SRD5A2: variants seen among roughly 807,000 people sequenced by gnomAD.
The protein encoded by SRD5A2 is steroid 5 alpha-reductase 2, also known as 3-oxo-5-alpha-steroid 4-dehydrogenase 2.
Under a neutral mutation model 27.4 loss-of-function variants are expected in SRD5A2, and 30 were observed. That is an observed-to-expected ratio of 1.10 (90% CI 0.82 to 1.49). The LOEUF (loss-of-function observed/expected upper bound fraction) is 1.49, where lower values mean the gene tolerates loss of function less well. Among genes scored for constraint, SRD5A2 ranks in the 40% most tolerant of loss-of-function variants. The pLI is 0.00. For missense variants in SRD5A2, 348 were observed against 323.4 expected (o/e 1.08, Z -0.58); for synonymous variants, 141 against 133.6 (o/e 1.06, Z -0.38).
At chr2:31,573,508 A>G (rs1216475189) in intron 1 of SRD5A2, among the ~76,000 whole-genome samples, 1 of 152,226 alleles carries the variant, frequency 6.6e-6, no homozygotes, top group Non-Finnish European at 1.5e-5. Flanking sequence ...AAGTACCCCA[A>G]GTTGCAGAAA....
chr2:31,622,580 C>T, the SRD5A2 span, among the ~76,000 whole-genome samples: 4 of 152,034 alleles, frequency 2.6e-5, no homozygotes, highest in Non-Finnish European at 5.9e-5. Flanking sequence ...AAGAATTGGG[C>T]CCTTCCTATT....
At chr2:31,619,650 G>A in the SRD5A2 span, among the ~76,000 whole-genome samples, 1 of 151,992 alleles carries the variant, frequency 6.6e-6, no homozygotes, top group Non-Finnish European at 1.5e-5. Flanking sequence ...GGTGTGAGGT[G>A]ATATCTCATT....
intron 1 of SRD5A2, among the ~76,000 whole-genome samples, chr2:31,562,002 A>G (rs137968716): frequency 6.6e-6 from 1 of 152,132 alleles, no homozygotes; most frequent in Non-Finnish European, 1.5e-5. Flanking sequence ...AAATACAAAT[A>G]TTGACATGGG....
chr2:31,568,844 A>G lies in SRD5A2; in HGVS notation c.281+11776T>C, dbSNP rs573851185. 3.3e-3 allele frequency among the ~76,000 whole-genome samples: 507 copies of G among 152,364 alleles called. 8 individuals are homozygous for G. Among genetic ancestry groups the G allele is most frequent in the African/African-American group, 0.011 (477 of 41,596 alleles). ...CAGCACCCAAAGTCTGGAGGGGGCC[A>G]AGGCGGCAGGGGGCTGGTGTGTCAA... On this transcript the variant is annotated intron_variant, in intron 1 of 4. Transcript: ENST00000622030.
chr2:31,597,691 A>T, the SRD5A2 span, among the ~76,000 whole-genome samples: 2 of 152,208 alleles, frequency 1.3e-5, no homozygotes, highest in Non-Finnish European at 2.9e-5. Context: ...GCCAAGAAAC[A>T]TATTAAAAAA....
chr2:31,618,070 G>A, the SRD5A2 span, among the ~76,000 whole-genome samples: 1 of 152,156 alleles, frequency 6.6e-6, no homozygotes, highest in Non-Finnish European at 1.5e-5. Context: ...AGTTTTACAT[G>A]ACTGGGGAGG....
the SRD5A2 span, among the ~76,000 whole-genome samples, chr2:31,589,557 GGAGGGCTGGAGGCCTTGTGCC>G: frequency 6.6e-6 from 1 of 152,170 alleles, no homozygotes; most frequent in Non-Finnish European, 1.5e-5. Context: ...GCCTCTCTAG[GGAGGGCTGGAGGCCTTGTGCC>G]GAGGCCTGGG....
At chr2:31,599,311 T>C in the SRD5A2 span, among the ~76,000 whole-genome samples, 1 of 151,944 alleles carries the variant, frequency 6.6e-6, no homozygotes, top group Admixed American at 6.6e-5. Context: ...ACCAAAAGAA[T>C]CTAATACATA....
At chr2:31,657,699 A>G in the SRD5A2 span, among the ~76,000 whole-genome samples, 2 of 152,208 alleles carry the variant, frequency 1.3e-5, no homozygotes, top group African/African-American at 4.8e-5. Context: ...TTCTTACTTT[A>G]CCATTACAAA....
the SRD5A2 span, among the ~76,000 whole-genome samples, chr2:31,588,997 G>T: frequency 6.6e-6 from 1 of 152,118 alleles, no homozygotes; most frequent in African/African-American, 2.4e-5. Context: ...CCCTTTGAAA[G>T]AAGCAGTTTT....
chr2:31,592,090 A>T, the SRD5A2 span, among the ~76,000 whole-genome samples: 25 of 148,966 alleles, frequency 1.7e-4, no homozygotes, highest in East Asian at 1.9e-4. Context: ...AGTATAATTT[A>T]AAAAAAAACA....
intron 1 of SRD5A2, among the ~76,000 whole-genome samples, chr2:31,562,529 A>T (rs934107794): frequency 5.3e-5 from 8 of 152,180 alleles, no homozygotes; most frequent in Non-Finnish European, 1.0e-4. Context: ...TTCTGATGTT[A>T]TTTGGAAGCA....
intron 1 of SRD5A2, among the ~76,000 whole-genome samples, chr2:31,559,707 C>T (rs1164995475): frequency 6.6e-6 from 1 of 152,116 alleles, no homozygotes; most frequent in African/African-American, 2.4e-5. Flanking sequence ...GGTGAATTGA[C>T]TAATGAAGTT....
At chr2:31,554,924 CGTGTGT>C (rs59697517) in intron 1 of SRD5A2, among the ~76,000 whole-genome samples, 6,097 of 132,064 alleles carry the variant, frequency 0.046, 163 homozygotes, top group African/African-American at 0.09. Context: ...CTATCCTGAT[CGTGTGT>C]GTGTGTGTGT....
At chr2:31,543,319 T>C (rs1435811549) in intron 1 of SRD5A2, among the ~76,000 whole-genome samples, 1 of 152,136 alleles carries the variant, frequency 6.6e-6, no homozygotes, top group South Asian at 2.1e-4. Context: ...CAGGTTAAAA[T>C]GAAAGCATAC....
chr2:31,564,535 G>C (rs940257971), intron 1 of SRD5A2, among the ~76,000 whole-genome samples: 1 of 151,838 alleles, frequency 6.6e-6, no homozygotes, highest in Admixed American at 6.6e-5. Flanking sequence ...AAAGACTCAA[G>C]CTCATGGATT....
chr2:31,597,562 A>G, the SRD5A2 span, among the ~76,000 whole-genome samples: 1 of 152,194 alleles, frequency 6.6e-6, no homozygotes, highest in African/African-American at 2.4e-5. Flanking sequence ...TACATCCAAC[A>G]AAGGACTGAT....
chr2:31,535,649 T>C (rs1666011458), intron 1 of SRD5A2, among the ~76,000 whole-genome samples: 1 of 152,204 alleles, frequency 6.6e-6, no homozygotes, highest in Non-Finnish European at 1.5e-5. Context: ...TCAGGTCTAC[T>C]ATGTCGTCTG....
the SRD5A2 span, among the ~76,000 whole-genome samples, chr2:31,589,363 G>A: frequency 1.3e-5 from 2 of 152,174 alleles, no homozygotes; most frequent in African/African-American, 2.4e-5. Context: ...ATGTAGACAC[G>A]AATTCAGTCA....
Sources: allele counts gnomAD v4.1 joint callset (sites outside exome capture counted in the v4.1 genomes callset), GRCh38; gene constraint gnomAD v4.1.1; transcripts MANE v1.5; gene names NCBI Gene and HGNC (gene_info 2026-07-23, HGNC 2026-07-21).